Variants in DIAPH2 observed in about 807,000 individuals in gnomAD.
The protein encoded by DIAPH2 is protein diaphanous homolog 2.
Under a neutral mutation model 92.7 loss-of-function variants are expected in DIAPH2, and 35 were observed. That is an observed-to-expected ratio of 0.38 (90% CI 0.29 to 0.50). DIAPH2 has a LOEUF of 0.50. Ranked by LOEUF, DIAPH2 falls within the 20% of genes least tolerant of loss-of-function variation. DIAPH2 has a pLI of 0.94. For synonymous variants in DIAPH2, 301 were observed against 280.4 expected (o/e 1.07, Z -0.73); for missense variants, 701 against 819.5 (o/e 0.86, Z 1.77).
intron 22 of DIAPH2, among the ~76,000 whole-genome samples, chrX:97,170,422 T>G (rs1388548787): frequency 8.9e-6 from 1 of 112,083 alleles, no homozygotes; most frequent in Non-Finnish European, 1.9e-5. Context: ...CTGATAAAAG[T>G]CTTTTGTAAA....
intron 19 of DIAPH2, among the ~76,000 whole-genome samples, chrX:97,078,255 A>G (rs924002998): frequency 2.7e-5 from 3 of 111,861 alleles, no homozygotes; most frequent in Non-Finnish European, 5.6e-5. Context: ...TGTGAAAAAA[A>G]GATGATCAAC....
intron 22 of DIAPH2, among the ~76,000 whole-genome samples, chrX:97,194,978 T>G (rs760562431): frequency 8.9e-6 from 1 of 111,809 alleles, no homozygotes; most frequent in Non-Finnish European, 1.9e-5. Flanking sequence ...TAAAATAAAT[T>G]TTGTAATGAT....
chrX:97,524,873 A>G (rs2071014629), intron 26 of DIAPH2, among the ~76,000 whole-genome samples: 1 of 112,034 alleles, frequency 8.9e-6, no homozygotes, highest in South Asian at 3.7e-4. Context: ...AATCATTTCT[A>G]ACTCCGTAGC....
At position 96,783,415 on chromosome X, in the gene DIAPH2, A is replaced by G. The variant is rs1424444368; in HGVS notation, c.447+25157A>G. On this transcript the variant is annotated intron_variant, in intron 4 of 26. Transcript: ENST00000324765. ...AGGAAGAGAGTGAACATGATCGTTC[A>G]TAGTGGTAACATCGATGGCTTGTAG... Among the ~76,000 whole-genome samples, 16 of 112,692 alleles carry G rather than the reference A, an allele frequency of 1.4e-4. No homozygotes were observed. In the East Asian group the frequency reaches 3.6e-3, roughly 26 times the overall value.
intron 22 of DIAPH2, among the ~76,000 whole-genome samples, chrX:97,223,641 C>T (rs1056029692): frequency 1.8e-5 from 2 of 111,023 alleles, no homozygotes; most frequent in Non-Finnish European, 3.8e-5. Context: ...TTCTATATTT[C>T]TAATTTCTAG....
chrX:96,751,666 T>A (rs1423102979), intron 3 of DIAPH2, among the ~76,000 whole-genome samples: 1 of 78,168 alleles, frequency 1.3e-5, no homozygotes, highest in Non-Finnish European at 2.6e-5. Flanking sequence ...TTTTTTTTTT[T>A]TTTTTGAGAC....
chrX:97,540,025 G>A (rs1300733720), intron 26 of DIAPH2, among the ~76,000 whole-genome samples: 1 of 111,858 alleles, frequency 8.9e-6, no homozygotes, highest in Non-Finnish European at 1.9e-5. Context: ...GATAAACAGT[G>A]TTTTGCTTTC....
At chrX:97,570,174 G>T (rs2071361216) in intron 26 of DIAPH2, among the ~76,000 whole-genome samples, 1 of 78,413 alleles carries the variant, frequency 1.3e-5, no homozygotes, top group Non-Finnish European at 2.4e-5. Flanking sequence ...ATACTAGAAG[G>T]CCTTATGATT....
At chrX:97,570,772 A>C (rs1198912639) in intron 26 of DIAPH2, among the ~76,000 whole-genome samples, 3 of 111,509 alleles carry the variant, frequency 2.7e-5, no homozygotes. Context: ...GGCCTACAGA[A>C]GATGTACTTA....
intron 17 of DIAPH2, among the ~76,000 whole-genome samples, chrX:97,009,201 A>C (rs781094886): frequency 9.0e-6 from 1 of 110,812 alleles, no homozygotes; most frequent in Non-Finnish European, 1.9e-5. Flanking sequence ...CCGTGTGGCC[A>C]TCACCACCCC....
chrX:96,942,773 A>C (rs1313217458), intron 13 of DIAPH2, among the ~76,000 whole-genome samples: 1 of 111,535 alleles, frequency 9.0e-6, no homozygotes, highest in Non-Finnish European at 1.9e-5. Context: ...CCCTTGTGAA[A>C]TGTGCTATGC....
At chrX:96,787,189 T>C (rs759104574) in intron 4 of DIAPH2, among the ~76,000 whole-genome samples, 2 of 111,957 alleles carry the variant, frequency 1.8e-5, no homozygotes, top group East Asian at 5.6e-4. Flanking sequence ...AGTAAACCTG[T>C]GGAATTCACG....
At chrX:97,402,154 A>G (rs2069763859) in intron 25 of DIAPH2, among the ~76,000 whole-genome samples, 1 of 111,426 alleles carries the variant, frequency 9.0e-6, no homozygotes, top group African/African-American at 3.3e-5. Flanking sequence ...TGTTCTTAAA[A>G]CTAAAACATG....
chrX:96,825,887 A>G (rs924512231), intron 4 of DIAPH2, among the ~76,000 whole-genome samples: 1 of 111,221 alleles, frequency 9.0e-6, no homozygotes, highest in Non-Finnish European at 1.9e-5. Flanking sequence ...CATCTTCTCT[A>G]CATCCTATCT....
chrX:96,811,275 A>G (rs927951590), intron 4 of DIAPH2, among the ~76,000 whole-genome samples: 42 of 111,220 alleles, frequency 3.8e-4, no homozygotes, highest in Non-Finnish European at 2.5e-4. Flanking sequence ...TTCTCTTTGA[A>G]GCAATTGTGA....
At position 96,829,056 on chromosome X, in the gene DIAPH2, C is replaced by T. The variant is rs180952756; in HGVS notation, c.448-52523C>T. Among the ~76,000 whole-genome samples the T allele has an allele frequency of 2.2e-4, 25 of 112,307 alleles. No homozygotes were observed. The East Asian group carries it at 6.7e-3, about 30-fold the overall frequency. On this transcript the variant is annotated intron_variant, in intron 4 of 26. Coordinates refer to ENST00000324765, the MANE Select transcript of DIAPH2 (RefSeq NM_006729.5). ...GACAAGTACTTATTTCCTTAACTGG[C>T]TCTTTCTTGTTATTCAGGTCTCAGC...
intron 4 of DIAPH2, among the ~76,000 whole-genome samples, chrX:96,776,649 C>T (rs979823615): frequency 1.1e-4 from 12 of 109,167 alleles, no homozygotes; most frequent in African/African-American, 4.0e-4. Flanking sequence ...CACATGAACT[C>T]AGAAATGGTA....
chrX:97,108,392 A>C (rs187628796), intron 20 of DIAPH2, among the ~76,000 whole-genome samples: 1 of 112,128 alleles, frequency 8.9e-6, no homozygotes, highest in African/African-American at 3.2e-5. Context: ...ATTTCAGCAG[A>C]GTTTTTATTT....
intron 22 of DIAPH2, among the ~76,000 whole-genome samples, chrX:97,189,992 A>G (rs181179569): frequency 5.8e-4 from 66 of 113,416 alleles, no homozygotes; most frequent in Middle Eastern, 9.2e-3. Context: ...GAAAAACTCT[A>G]GTGCTATTAG....
Sources: gnomAD v4.1 joint callset for allele counts (sites outside exome capture counted in the v4.1 genomes callset) on GRCh38, gnomAD v4.1.1 for gene constraint, MANE v1.5 for transcripts, NCBI Gene and HGNC (gene_info 2026-07-23, HGNC 2026-07-21) for gene names.